The following CRYBG1 variants were observed in gnomAD, a reference collection of about 807,000 sequenced individuals.
CRYBG1 encodes the protein beta/gamma crystallin domain-containing protein 1.
A neutral mutation model predicts 189.2 loss-of-function variants in CRYBG1; 139 were observed. The observed-to-expected ratio is 0.73, with a 90% CI of 0.64 to 0.85. The LOEUF is 0.85. Ranked by LOEUF, CRYBG1 falls within the 40% of genes least tolerant of loss-of-function variation. The probability of loss-of-function intolerance (pLI) is 0.00; values close to 1 mark genes in which losing one functional copy is unlikely to be tolerated. For missense variants in CRYBG1, 2,611 were observed against 2,675.8 expected (o/e 0.98, Z 0.53); for synonymous variants, 1,023 against 1,017.1 (o/e 1.01, Z -0.11).
chr6:106,540,805 A>G (rs1373410739), intron 9 of CRYBG1, among the ~76,000 whole-genome samples: 11 of 151,762 alleles, frequency 7.2e-5, no homozygotes, highest in Non-Finnish European at 2.9e-5. Context: ...TTAAAAAGCT[A>G]TTAAAGATAT....
chr6:106,416,865 T>G (rs1474906), intron 1 of CRYBG1, among the ~76,000 whole-genome samples: 109,047 of 151,994 alleles, frequency 0.72, 40,020 homozygotes, highest in African/African-American at 0.88. Flanking sequence ...ATGGGAAGGG[T>G]CACTGAAAAA....
chr6:106,379,969 T>C (rs1770255739), intron 1 of CRYBG1, among the ~76,000 whole-genome samples: 1 of 152,222 alleles, frequency 6.6e-6, no homozygotes, highest in Admixed American at 6.5e-5. Flanking sequence ...AATGGATTGT[T>C]GTTAGTAACA....
Position 106,544,710 on chromosome 6 carries a change from C to T in CRYBG1, c.5166+13C>T. On this transcript the variant is annotated intron_variant, in intron 12 of 21. Transcript: ENST00000633556. ...ACCTATATTAGGTGTAAGTAAAGGA[C>T]AAGCTAATGGCTAATACTTGGTCTT... 1 of 1,611,956 alleles carries T rather than the reference C, an allele frequency of 6.2e-7. No homozygotes were observed. Among genetic ancestry groups the T allele is most frequent in the Non-Finnish European group, 8.5e-7 (1 of 1,179,260 alleles).
rs373246956 is a variant in CRYBG1, at chr6:106,544,553, G to A, written c.5040-18G>A. The A allele has an allele frequency of 3.9e-4, 624 of 1,610,568 alleles. No individual in the cohort carries two copies. Among genetic ancestry groups the A allele is most frequent in the Admixed American group, 8.0e-4 (47 of 58,942 alleles). ...ACATGTCTGGAAATGACTACTCCTC[G>A]TGTTCTTTATGTTGCAGTTGGGTTG... On this transcript the variant is annotated intron_variant, in intron 11 of 21. Coordinates refer to ENST00000633556, the MANE Select transcript of CRYBG1 (RefSeq NM_001371242.2).
At chr6:106,478,538 G>A (rs1195348970) in intron 2 of CRYBG1, among the ~76,000 whole-genome samples, 2 of 152,188 alleles carry the variant, frequency 1.3e-5, no homozygotes, top group Non-Finnish European at 2.9e-5. Context: ...CACATCGAAG[G>A]TATTTTGTAT....
chr6:106,565,823 G>C (rs2114604134), intron 21 of CRYBG1, among the ~76,000 whole-genome samples: 1 of 152,268 alleles, frequency 6.6e-6, no homozygotes, highest in African/African-American at 2.4e-5. Flanking sequence ...AACTAGTTAA[G>C]AATTATGCAG....
At chr6:106,539,962 T>C (rs1476462299) in intron 9 of CRYBG1, among the ~76,000 whole-genome samples, 2 of 152,334 alleles carry the variant, frequency 1.3e-5, no homozygotes, top group Admixed American at 6.5e-5. Context: ...AGCAGGATGA[T>C]TTTTTAAATG....
chr6:106,384,823 C>A (rs1770352725), intron 1 of CRYBG1, among the ~76,000 whole-genome samples: 1 of 151,848 alleles, frequency 6.6e-6, no homozygotes, highest in Admixed American at 6.6e-5. Context: ...CATCAATTCA[C>A]CTGGCTTATT....
intron 1 of CRYBG1, among the ~76,000 whole-genome samples, chr6:106,396,657 G>C (rs1770620769): frequency 6.6e-6 from 1 of 152,180 alleles, no homozygotes; most frequent in Admixed American, 6.5e-5. Flanking sequence ...TGTTCTACCA[G>C]AAAAACAAGA....
chr6:106,360,981 A>G lies in CRYBG1; in HGVS notation c.73A>G (p.Thr25Ala). 6.5e-7 allele frequency: 1 copy of G among 1,535,030 alleles called. No homozygotes were observed. The highest frequency in any genetic ancestry group is 1.2e-5 in the South Asian group (1 of 84,046). Reference protein sequence around the residue: ...SPCRPPKKHTTFHLWRSKKKQ... With the variant: ...SPCRPPKKHTAFHLWRSKKKQ... ...GTGCAGGCCCCCTAAGAAGCACACC[A>G]CCTTCCACCTCTGGCGCTCCAAAAA... Residue 25 changes from threonine (T) to alanine (A), a missense_variant, in exon 1 of 22, where the codon ACC (threonine) becomes GCC (alanine). Coordinates refer to ENST00000633556, the MANE Select transcript of CRYBG1 (RefSeq NM_001371242.2).
chr6:106,524,089 A>C (rs773333326), intron 4 of CRYBG1, among the ~76,000 whole-genome samples: 4 of 152,090 alleles, frequency 2.6e-5, no homozygotes, highest in Non-Finnish European at 4.4e-5. Context: ...AGTCAGAGCA[A>C]AGGCAGTTCC....
chr6:106,456,789 T>G (rs1197309834), intron 2 of CRYBG1, among the ~76,000 whole-genome samples: 1 of 152,154 alleles, frequency 6.6e-6, no homozygotes, highest in Non-Finnish European at 1.5e-5. Flanking sequence ...ACCTCGTTTC[T>G]TAGACTAAAC....
rs139872790 is a variant in CRYBG1, at chr6:106,368,276, TAC to T, written c.173+7213_173+7214del. Among the ~76,000 whole-genome samples, 988 of 149,690 alleles carry T rather than the reference TAC, an allele frequency of 6.6e-3. 5 individuals carry two copies. Among genetic ancestry groups the T allele is most frequent in the Middle Eastern group, 0.031 (9 of 290 alleles). ...CTTAAAAAAGATACATACACACACATACACACACACACACACACATCTGTCTT... is the reference window on the plus strand; with the variant it reads ...CTTAAAAAAGATACATACACACACATACACACACACACACACATCTGTCTT... On this transcript the variant is annotated intron_variant, in intron 1 of 21. Transcript: ENST00000633556.
At chr6:106,510,592 C>A (rs1350941270) in intron 2 of CRYBG1, among the ~76,000 whole-genome samples, 2 of 152,196 alleles carry the variant, frequency 1.3e-5, no homozygotes, top group African/African-American at 4.8e-5. Context: ...ACACGTGTGG[C>A]GAGGAACGGG....
At chr6:106,464,266 G>C (rs930936625) in intron 2 of CRYBG1, among the ~76,000 whole-genome samples, 2 of 152,126 alleles carry the variant, frequency 1.3e-5, no homozygotes, top group East Asian at 3.9e-4. Flanking sequence ...AGGCCAAGGC[G>C]GGCGGATCAC....
chr6:106,498,431 T>A (rs17268292), intron 2 of CRYBG1, among the ~76,000 whole-genome samples: 2 of 152,098 alleles, frequency 1.3e-5, no homozygotes, highest in East Asian at 1.9e-4. Context: ...GGGGTTGTGA[T>A]CCAATCCCAT....
intron 6 of CRYBG1, among the ~76,000 whole-genome samples, chr6:106,526,173 A>G (rs1773734637): frequency 6.6e-6 from 1 of 152,208 alleles, no homozygotes; most frequent in African/African-American, 2.4e-5. Context: ...TTATGGATTT[A>G]CAAATTCATA....
intron 1 of CRYBG1, among the ~76,000 whole-genome samples, chr6:106,430,869 G>A (rs1025069101): frequency 2.0e-5 from 3 of 152,008 alleles, no homozygotes; most frequent in Non-Finnish European, 2.9e-5. Context: ...CTTTGTTTTT[G>A]TTTTTGTTTA....
intron 20 of CRYBG1, among the ~76,000 whole-genome samples, chr6:106,562,057 A>G (rs1030707321): frequency 3.9e-5 from 6 of 152,104 alleles, no homozygotes; most frequent in African/African-American, 1.4e-4. Context: ...GGTAGATAAA[A>G]CTTTTTTACT....
Sources: allele counts gnomAD v4.1 joint callset (sites outside exome capture counted in the v4.1 genomes callset), GRCh38; gene constraint gnomAD v4.1.1; transcripts MANE v1.5; gene names NCBI Gene and HGNC (gene_info 2026-07-23, HGNC 2026-07-21).